The following PDE6A variants were observed in gnomAD, a reference collection of about 807,000 sequenced individuals.
PDE6A encodes the protein rod cGMP-specific 3',5'-cyclic phosphodiesterase subunit alpha.
A neutral mutation model predicts 106.3 loss-of-function variants in PDE6A; 84 were observed. The ratio of observed to expected loss-of-function variants is 0.79; its 90% CI spans 0.66 to 0.95. The LOEUF is 0.95. Among genes scored for constraint, PDE6A ranks in the 40% least tolerant of loss-of-function variants. The probability of loss-of-function intolerance (pLI) is 0.00; values close to 1 mark genes in which losing one functional copy is unlikely to be tolerated. For missense variants in PDE6A, 1,052 were observed against 1,084.9 expected (o/e 0.97, Z 0.43); for synonymous variants, 394 against 386.6 (o/e 1.02, Z -0.23).
chr5:149,895,311 G>A, intron 12 of PDE6A, 21 bp from the exon 13 acceptor site: 1 of 1,508,694 alleles, frequency 6.6e-7, no homozygotes, highest in Non-Finnish European at 9.2e-7. Context: ...ATGCACATCA[G>A]TGAGGCAGGA....
At position 149,863,708 on chromosome 5, in the gene PDE6A, C is replaced by CA. The variant is rs991869569; in HGVS notation, c.2359-443dup. Among the ~76,000 whole-genome samples the CA allele has an allele frequency of 1.2e-4, 18 of 152,178 alleles. No homozygotes were observed. Among genetic ancestry groups the CA allele is most frequent in the African/African-American group, 4.1e-4 (17 of 41,426 alleles). On this transcript the variant is annotated intron_variant, in intron 20 of 21. Transcript: ENST00000255266. This position sits in a 1 kb window ranked among gnomAD's most constrained non-coding sequence, Gnocchi z 4.7. ...GCACAAACATAGCTCACTGCAGCCT[C>CA]AAACTCCTGGGCTCAACCCATCCTC... is the stretch of plus-strand genomic sequence containing the variant.
At chr5:149,873,302 T>C (rs924443747) in intron 17 of PDE6A, among the ~76,000 whole-genome samples, 1 of 152,088 alleles carries the variant, frequency 6.6e-6, no homozygotes. Context: ...AGTTTGAATT[T>C]CTTATGATTT....
At chr5:149,933,132 A>G (rs1754092226) in intron 3 of PDE6A, among the ~76,000 whole-genome samples, 1 of 152,116 alleles carries the variant, frequency 6.6e-6, no homozygotes, top group South Asian at 2.1e-4. Flanking sequence ...AGCTGGGACT[A>G]CAGGTGGACG....
chr5:149,879,403 ATT>A (rs928837288), intron 17 of PDE6A, among the ~76,000 whole-genome samples: 1 of 144,004 alleles, frequency 6.9e-6, no homozygotes, highest in African/African-American at 2.6e-5. Context: ...TCGCTCTGAA[ATT>A]TTTTTTTTTT....
chr5:149,884,348 GTATATATGTGTATATATGTA>G (rs1761056365), intron 16 of PDE6A, 111 bp downstream of exon 16: 2 of 667,130 alleles, frequency 3.0e-6, no homozygotes, highest in Non-Finnish European at 5.4e-6. Flanking sequence ...ATATATGTGT[GTATATATGTGTATATATGTA>G]TATATGTGTG....
intron 10 of PDE6A, among the ~76,000 whole-genome samples, chr5:149,897,706 G>A (rs1386646998): frequency 1.3e-5 from 2 of 151,926 alleles, no homozygotes; most frequent in East Asian, 1.9e-4. Context: ...TCAGCCTCCC[G>A]AGTAGCTGGG....
At chr5:149,917,653 A>C (rs1581198878) in intron 5 of PDE6A, among the ~76,000 whole-genome samples, 1 of 152,312 alleles carries the variant, frequency 6.6e-6, no homozygotes, top group South Asian at 2.1e-4. Context: ...TAAAATAGGA[A>C]GCATCCAAGG....
At chr5:149,919,864 A>G (rs907434721) in intron 5 of PDE6A, among the ~76,000 whole-genome samples, 1 of 152,178 alleles carries the variant, frequency 6.6e-6, no homozygotes, top group Non-Finnish European at 1.5e-5. Flanking sequence ...ACATACACAC[A>G]CTATTTTATT....
intron 5 of PDE6A, among the ~76,000 whole-genome samples, chr5:149,920,942 A>AAAAGAAG (rs1554091211): frequency 9.2e-5 from 10 of 108,282 alleles, no homozygotes; most frequent in Non-Finnish European, 1.6e-4. Flanking sequence ...GAAAGAGAGA[A>AAAAGAAG]AAAGAAAGAA....
At chr5:149,869,600 T>C (rs1223124740) in intron 17 of PDE6A, among the ~76,000 whole-genome samples, 1 of 152,178 alleles carries the variant, frequency 6.6e-6, no homozygotes, top group African/African-American at 2.4e-5. Flanking sequence ...CTAAATTCCA[T>C]GCCAGGGAGT....
chr5:149,881,921 G>A (rs186942216), intron 17 of PDE6A, among the ~76,000 whole-genome samples: 5 of 151,754 alleles, frequency 3.3e-5, no homozygotes, highest in South Asian at 4.2e-4. Flanking sequence ...GGTATAGTGC[G>A]TGTGCCTGTA....
chr5:149,924,878 T>A (rs1753828729), intron 4 of PDE6A, among the ~76,000 whole-genome samples: 1 of 152,144 alleles, frequency 6.6e-6, no homozygotes. Context: ...GAAGACTCAC[T>A]GGGCAAGGAG....
intron 3 of PDE6A, among the ~76,000 whole-genome samples, chr5:149,931,640 G>A (rs1351696828): frequency 6.6e-6 from 1 of 152,192 alleles, no homozygotes; most frequent in Admixed American, 6.5e-5. Context: ...TAATGTTGAA[G>A]TGTTGATGGA....
chr5:149,934,841 G>T, intron 1 of PDE6A, 123 bp from the exon 2 acceptor site: 1 of 892,708 alleles, frequency 1.1e-6, no homozygotes, highest in Non-Finnish European at 1.8e-6. Flanking sequence ...ACAGGGGCAG[G>T]GAAATCAGAG....
At chr5:149,937,745 C>T (rs995380539) in intron 1 of PDE6A, among the ~76,000 whole-genome samples, 2 of 152,150 alleles carry the variant, frequency 1.3e-5, no homozygotes, top group Non-Finnish European at 2.9e-5. Context: ...CCTTTGCAAA[C>T]ATTCACAGTG....
At chr5:149,916,120 G>A (rs915434763) in intron 5 of PDE6A, among the ~76,000 whole-genome samples, 3 of 152,192 alleles carry the variant, frequency 2.0e-5, no homozygotes, top group African/African-American at 7.2e-5. Flanking sequence ...TGACAGGCAT[G>A]AGCCACCATG....
At chr5:149,888,002 C>T (rs1752379933) in intron 13 of PDE6A, among the ~76,000 whole-genome samples, 1 of 152,042 alleles carries the variant, frequency 6.6e-6, no homozygotes, top group African/African-American at 2.4e-5. Flanking sequence ...TTCTTTAACC[C>T]TCGCCTTCCC....
intron 17 of PDE6A, 148 bp from the exon 18 acceptor site, chr5:149,868,306 G>C (rs898979995): frequency 6.5e-6 from 5 of 774,658 alleles, no homozygotes; most frequent in Non-Finnish European, 1.1e-5. Flanking sequence ...TGCATCCAGG[G>C]GTTGGGCTTT....
intron 6 of PDE6A, 57 bp from the exon 7 acceptor site, chr5:149,907,435 A>G: frequency 2.1e-6 from 3 of 1,436,414 alleles, no homozygotes; most frequent in Non-Finnish European, 2.9e-6. Flanking sequence ...TGGACTAAAG[A>G]CTAAAATCTG....
Sources: gnomAD v4.1 joint callset for allele counts (sites outside exome capture counted in the v4.1 genomes callset) on GRCh38, gnomAD v4.1.1 for gene constraint, Gnocchi (gnomAD v3.1) non-coding constraint, MANE v1.5 for transcripts, NCBI Gene and HGNC (gene_info 2026-07-23, HGNC 2026-07-21) for gene names.